CTNNA3: variants seen among roughly 807,000 people sequenced by gnomAD.
The protein encoded by CTNNA3 is catenin alpha 3.
Under a neutral mutation model 95.7 loss-of-function variants are expected in CTNNA3, and 76 were observed. The observed-to-expected ratio is 0.79, with a 90% CI of 0.66 to 0.96. The LOEUF (loss-of-function observed/expected upper bound fraction) is 0.96, where lower values mean the gene tolerates loss of function less well. Among genes scored for constraint, CTNNA3 ranks in the 40% least tolerant of loss-of-function variants. The pLI is 0.00. For synonymous variants in CTNNA3, 431 were observed against 374.4 expected, an observed-to-expected ratio of 1.15 and a Z score of -1.74; for missense variants, 1,191 against 1,089.8, an observed-to-expected ratio of 1.09 and a Z score of -1.31.
chr10:67,301,994 C>CGAAA lies in CTNNA3; in HGVS notation c.580-82128_580-82125dup, dbSNP rs1334898390. ...AAAGAAAAAAGAAAGAAAGAAAGAA[C>CGAAA]GAAAGAACGAAAGAAAGAAAGAAAG... On this transcript the variant is annotated intron_variant, in intron 5 of 17. Coordinates refer to ENST00000433211, the MANE Select transcript of CTNNA3 (RefSeq NM_013266.4). Among the ~76,000 whole-genome samples, 41 of 36,752 alleles carry CGAAA rather than the reference C, an allele frequency of 1.1e-3. 1 individual carries two copies. The highest frequency in any genetic ancestry group is 4.9e-3 in the East Asian group (6 of 1,228). The allele number at this position is 36,752 out of a possible 152,430, so 24.1% of individuals were successfully genotyped here.
At chr10:66,465,243 A>G (rs984594805) in intron 11 of CTNNA3, among the ~76,000 whole-genome samples, 1 of 152,144 alleles carries the variant, frequency 6.6e-6, no homozygotes, top group Non-Finnish European at 1.5e-5. Context: ...AAACCTAATG[A>G]GTGGTACACC....
chr10:67,307,013 T>A (rs751414224), intron 5 of CTNNA3, among the ~76,000 whole-genome samples: 41 of 152,012 alleles, frequency 2.7e-4, no homozygotes, highest in Non-Finnish European at 5.6e-4. Context: ...TACAAAAAAA[T>A]GTAAAAATCA....
At chr10:67,081,312 T>C (rs1232227831) in intron 7 of CTNNA3, among the ~76,000 whole-genome samples, 1 of 152,190 alleles carries the variant, frequency 6.6e-6, no homozygotes, top group African/African-American at 2.4e-5. Context: ...GTGAAATATG[T>C]AGAAAAAGAA....
At chr10:66,536,179 CAGAG>C (rs1254945028) in intron 10 of CTNNA3, among the ~76,000 whole-genome samples, 2 of 147,160 alleles carry the variant, frequency 1.4e-5, no homozygotes, top group African/African-American at 2.5e-5. Flanking sequence ...CAGAGAGAGA[CAGAG>C]AGAGAGAAAT....
intron 7 of CTNNA3, among the ~76,000 whole-genome samples, chr10:67,095,068 G>A (rs1200124652): frequency 9.0e-6 from 1 of 110,990 alleles, no homozygotes; most frequent in Non-Finnish European, 1.9e-5. Flanking sequence ...CTGTATGTGT[G>A]TACCCCTATA....
At chr10:67,611,268 T>C (rs1019941886) in intron 2 of CTNNA3, among the ~76,000 whole-genome samples, 3 of 152,138 alleles carry the variant, frequency 2.0e-5, no homozygotes, top group Non-Finnish European at 4.4e-5. Context: ...CAACTGTCAT[T>C]ATATAGAGCC....
At chr10:66,978,536 A>AT (rs1429128054) in intron 7 of CTNNA3, among the ~76,000 whole-genome samples, 11 of 94,382 alleles carry the variant, frequency 1.2e-4, no homozygotes, top group Admixed American at 2.2e-4. Flanking sequence ...CAAAAAAAAA[A>AT]AAAAAAAAAA....
intron 10 of CTNNA3, among the ~76,000 whole-genome samples, chr10:66,570,349 T>G (rs1268765008): frequency 1.3e-5 from 2 of 152,062 alleles, no homozygotes. Context: ...AGTGCAGTGG[T>G]GCAATCTCAG....
At chr10:67,338,643 T>G (rs1324310044) in intron 5 of CTNNA3, among the ~76,000 whole-genome samples, 4 of 152,180 alleles carry the variant, frequency 2.6e-5, no homozygotes, top group Non-Finnish European at 4.4e-5. Context: ...AAAATAGTTG[T>G]GCAAATGACA....
chr10:67,002,266 C>CAA lies in CTNNA3; in HGVS notation c.1047+178049_1047+178050dup, dbSNP rs565150910. ...TATCTATAATATTCTACTTATATAT[C>CAA]AAACTGCCCTCGCCTTTGCCAAAGC... is the stretch of plus-strand genomic sequence containing the variant. On this transcript the variant is annotated intron_variant, in intron 7 of 17. Transcript: ENST00000433211. Among the ~76,000 whole-genome samples, 11 of 152,236 alleles carry CAA rather than the reference C, an allele frequency of 7.2e-5. No individual in the cohort carries two copies. The East Asian group carries it at 1.9e-3, about 27-fold the overall frequency.
intron 15 of CTNNA3, among the ~76,000 whole-genome samples, chr10:66,035,463 A>C (rs570597507): frequency 1.3e-5 from 2 of 152,270 alleles, no homozygotes; most frequent in African/African-American, 4.8e-5. Flanking sequence ...TACCTACATA[A>C]AAGATTGGGA....
intron 17 of CTNNA3, among the ~76,000 whole-genome samples, chr10:65,948,296 AAAAG>A: frequency 7.1e-6 from 1 of 141,280 alleles, no homozygotes; most frequent in East Asian, 2.2e-4. Flanking sequence ...AAAAAAAAAA[AAAAG>A]AAAGAAAGAA....
rs181256786 is a variant in CTNNA3, at chr10:67,725,455, G to T, written c.-2+37979C>A. ...GCCTCCCAAACTGGTGGGATTAAAG[G>T]GGTGAGCCACTGCGCCCGGCCTTAT... On this transcript the variant is annotated intron_variant, in intron 1 of 17. Coordinates refer to the CTNNA3 transcript ENST00000684154. 4.1e-3 allele frequency among the ~76,000 whole-genome samples: 619 copies of T among 152,228 alleles called. 29 individuals carry two copies. The South Asian group carries it at 0.071, about 17-fold the overall frequency.
intron 14 of CTNNA3, among the ~76,000 whole-genome samples, chr10:66,094,751 C>T (rs1039634281): frequency 6.6e-6 from 1 of 152,264 alleles, no homozygotes; most frequent in East Asian, 1.9e-4. Context: ...AGAATGAATT[C>T]TAGCCTTTGT....
chr10:66,712,017 A>T (rs1589156335), intron 9 of CTNNA3, among the ~76,000 whole-genome samples: 1 of 152,254 alleles, frequency 6.6e-6, no homozygotes. Context: ...AAACCTAGCA[A>T]GAACCTCCTT....
chr10:67,107,820 T>C (rs1053981909), intron 7 of CTNNA3, among the ~76,000 whole-genome samples: 2 of 151,794 alleles, frequency 1.3e-5, no homozygotes, highest in African/African-American at 4.8e-5. Flanking sequence ...CACACAGAGG[T>C]TCCAGTCCAT....
intron 7 of CTNNA3, among the ~76,000 whole-genome samples, chr10:67,152,273 A>C (rs1861118070): frequency 6.6e-6 from 1 of 152,156 alleles, no homozygotes; most frequent in African/African-American, 2.4e-5. Context: ...ATCAAGTTTG[A>C]AAAATATTGA....
intron 15 of CTNNA3, among the ~76,000 whole-genome samples, chr10:66,000,890 T>C (rs909136905): frequency 2.6e-5 from 4 of 152,202 alleles, no homozygotes; most frequent in Admixed American, 6.5e-5. Context: ...TCAGGGAATG[T>C]GGCTACAGAG....
intron 13 of CTNNA3, among the ~76,000 whole-genome samples, chr10:66,222,132 T>C (rs986059884): frequency 6.6e-6 from 1 of 152,288 alleles, no homozygotes; most frequent in Non-Finnish European, 1.5e-5. Flanking sequence ...TGGTAGAAAA[T>C]AGCAGTCTCT....
Sources: allele counts gnomAD v4.1 joint callset (sites outside exome capture counted in the v4.1 genomes callset), GRCh38; gene constraint gnomAD v4.1.1; transcripts MANE v1.5; gene names NCBI Gene and HGNC (gene_info 2026-07-23, HGNC 2026-07-21).